The following PXYLP1 variants were observed in gnomAD, a reference collection of about 807,000 sequenced individuals.
PXYLP1 encodes the protein 2-phosphoxylose phosphatase 1, also known as acid phosphatase-like 2.
A neutral mutation model predicts 37.9 loss-of-function variants in PXYLP1; 17 were observed. The ratio of observed to expected loss-of-function variants is 0.45; its 90% CI spans 0.31 to 0.67. The LOEUF (loss-of-function observed/expected upper bound fraction) is 0.67, where lower values mean the gene tolerates loss of function less well. Ranked by LOEUF, PXYLP1 falls within the 30% of genes least tolerant of loss-of-function variation. PXYLP1 has a pLI of 0.07. For synonymous variants in PXYLP1, 221 were observed against 232.2 expected (o/e 0.95, Z 0.44); for missense variants, 511 against 612.0 (o/e 0.84, Z 1.74).
chr3:141,240,797 C>T (rs1029487293), intron 1 of PXYLP1, among the ~76,000 whole-genome samples: 2 of 152,208 alleles, frequency 1.3e-5, no homozygotes. Flanking sequence ...AGGAGATCAT[C>T]TGTTCTGAAT....
At chr3:141,248,687 ACG>A (rs1491401205) in intron 1 of PXYLP1, among the ~76,000 whole-genome samples, 2 of 35,476 alleles carry the variant, frequency 5.6e-5, no homozygotes, top group Admixed American at 2.9e-4. Context: ...ATATATACAC[ACG>A]TATATACACA....
chr3:141,240,429 T>C (rs1940766828), intron 1 of PXYLP1, among the ~76,000 whole-genome samples: 1 of 152,024 alleles, frequency 6.6e-6, no homozygotes, highest in Non-Finnish European at 1.5e-5. Context: ...CCATGCTCCT[T>C]TGCCTCACTC....
chr3:141,240,942 A>T (rs1159720517), intron 1 of PXYLP1, among the ~76,000 whole-genome samples: 1 of 152,114 alleles, frequency 6.6e-6, no homozygotes, highest in Non-Finnish European at 1.5e-5. Flanking sequence ...GTTGATTCAC[A>T]TCAGCAGTTG....
chr3:141,262,596 A>T, intron 2 of PXYLP1: 1 of 1,456,456 alleles, frequency 6.9e-7, no homozygotes, highest in Non-Finnish European at 9.1e-7. Context: ...GCCAATTTTC[A>T]GCCATACTTT....
intron 2 of PXYLP1, among the ~76,000 whole-genome samples, chr3:141,275,574 T>C (rs563805909): frequency 6.6e-6 from 1 of 152,370 alleles, no homozygotes; most frequent in African/African-American, 2.4e-5. Flanking sequence ...GAGACTGCCT[T>C]AGCACTTTTC....
At chr3:141,284,572 A>G (rs1047936248) in intron 4 of PXYLP1, among the ~76,000 whole-genome samples, 3 of 152,208 alleles carry the variant, frequency 2.0e-5, no homozygotes, top group Non-Finnish European at 4.4e-5. Context: ...CTCCTTGGAT[A>G]CCAGAATCTG....
chr3:141,237,204 G>A (rs755823558), intron 1 of PXYLP1, among the ~76,000 whole-genome samples: 2 of 152,170 alleles, frequency 1.3e-5, no homozygotes, highest in Non-Finnish European at 2.9e-5. Flanking sequence ...GAAAATTGTA[G>A]GTGGTCCTAT....
At chr3:141,238,854 T>C (rs999520182) in intron 1 of PXYLP1, among the ~76,000 whole-genome samples, 3 of 152,164 alleles carry the variant, frequency 2.0e-5, no homozygotes, top group Non-Finnish European at 4.4e-5. Context: ...CATTTCCTAT[T>C]CGTTAAGTGG....
intron 1 of PXYLP1, among the ~76,000 whole-genome samples, chr3:141,240,133 T>A (rs1940759771): frequency 6.6e-6 from 1 of 152,232 alleles, no homozygotes; most frequent in Admixed American, 6.5e-5. Context: ...CTGACACTTG[T>A]GTTACTCTCT....
chr3:141,258,957 G>GACA (rs1941326709), intron 1 of PXYLP1, among the ~76,000 whole-genome samples: 1 of 152,238 alleles, frequency 6.6e-6, no homozygotes, highest in Non-Finnish European at 1.5e-5. Context: ...TAGAAAGTCT[G>GACA]ACAGGTCGCT....
intron 1 of PXYLP1, among the ~76,000 whole-genome samples, chr3:141,248,493 G>A (rs1443958075): frequency 1.5e-4 from 18 of 118,264 alleles, no homozygotes; most frequent in African/African-American, 2.7e-4. Flanking sequence ...ATGTGTGCGT[G>A]TGTGTATATA....
intron 1 of PXYLP1, among the ~76,000 whole-genome samples, chr3:141,253,799 G>A (rs1017399029): frequency 1.3e-5 from 2 of 149,606 alleles, no homozygotes; most frequent in African/African-American, 4.9e-5. Context: ...TCACCATTTT[G>A]CCAATCTTAT....
At chr3:141,283,841 G>T (rs1258324294) in intron 4 of PXYLP1, among the ~76,000 whole-genome samples, 1 of 151,708 alleles carries the variant, frequency 6.6e-6, no homozygotes, top group Non-Finnish European at 1.5e-5. Context: ...GTTCTCATGG[G>T]TGTGTGGATT....
At chr3:141,258,778 A>G (rs1941323394) in intron 1 of PXYLP1, 1 of 153,788 alleles carries the variant, frequency 6.5e-6, no homozygotes, top group Non-Finnish European at 1.5e-5. Flanking sequence ...GATGAGAACT[A>G]ACTGCTGATT....
intron 1 of PXYLP1, among the ~76,000 whole-genome samples, chr3:141,232,627 C>T (rs1213446372): frequency 1.3e-5 from 2 of 152,226 alleles, no homozygotes; most frequent in African/African-American, 4.8e-5. Flanking sequence ...TGCTGGTGAA[C>T]TTGCCTATGT....
intron 2 of PXYLP1, among the ~76,000 whole-genome samples, chr3:141,267,051 G>A (rs919948252): frequency 3.9e-5 from 6 of 152,104 alleles, no homozygotes; most frequent in African/African-American, 1.4e-4. Context: ...CTCTTTGCAG[G>A]GACCCCTGAG....
chr3:141,276,025 A>G (rs1941786663), intron 2 of PXYLP1, among the ~76,000 whole-genome samples: 1 of 152,216 alleles, frequency 6.6e-6, no homozygotes. Flanking sequence ...ACAAGTACTT[A>G]CCATTGTGTT....
intron 2 of PXYLP1, among the ~76,000 whole-genome samples, chr3:141,271,657 A>G (rs1412668029): frequency 6.6e-6 from 1 of 152,150 alleles, no homozygotes; most frequent in Non-Finnish European, 1.5e-5. Context: ...TGTAATCAGA[A>G]GAAGGCTGAC....
intron 4 of PXYLP1, among the ~76,000 whole-genome samples, chr3:141,286,137 A>G (rs1422268484): frequency 1.3e-5 from 2 of 152,210 alleles, no homozygotes; most frequent in African/African-American, 4.8e-5. Flanking sequence ...CTATCTGTCC[A>G]CTTCTCTTCA....
Sources: gnomAD v4.1 joint callset for allele counts (sites outside exome capture counted in the v4.1 genomes callset) on GRCh38, gnomAD v4.1.1 for gene constraint, MANE v1.5 for transcripts, NCBI Gene and HGNC (gene_info 2026-07-23, HGNC 2026-07-21) for gene names.